The following CLDN5 variants were observed in gnomAD, a reference collection of about 807,000 sequenced individuals.
CLDN5 encodes claudin 5, also known as claudin-5.
Under a neutral mutation model 1.3 loss-of-function variants are expected in CLDN5, and 4 were observed. The ratio of observed to expected loss-of-function variants is 3.07; its 90% CI spans 1.51 to 7.03. The LOEUF (loss-of-function observed/expected upper bound fraction) is 7.03, where lower values mean the gene tolerates loss of function less well. Among genes scored for constraint, CLDN5 ranks in the 30% most tolerant of loss-of-function variants. CLDN5 has a pLI of 0.00. For synonymous variants in CLDN5, 156 were observed against 152.3 expected, an observed-to-expected ratio of 1.02 and a Z score of -0.18; for missense variants, 225 against 303.5, an observed-to-expected ratio of 0.74 and a Z score of 1.92.
In CLDN5 at chr22:19,524,157, G is replaced by A. The variant is rs140361640; in HGVS notation, c.99C>T (p.Thr33=). 9 of 1,610,260 alleles carry A rather than the reference G, an allele frequency of 5.6e-6. No individual in the cohort carries two copies. Among genetic ancestry groups the A allele is most frequent in the Admixed American group, 1.7e-5 (1 of 59,912 alleles). The change falls in exon 1 of 1, where the codon ACC becomes ACT. Residue 33 remains threonine (T), a synonymous_variant. Transcript: ENST00000618236. ...TCACGATGTTGTGGTCCAGGAAGGC[G>A]GTCACCTGCCACATGGGCAGCCCGC... The part of the protein sequence containing the change: ...LACGLPMWQV[T]AFLDHNIVTA...
At chr22:19,524,835 C>T (rs1251097948), upstream of CLDN5, 1 of 1,170,578 alleles carries the variant, frequency 8.5e-7, no homozygotes, top group Non-Finnish European at 1.1e-6. Context: ...TTTGCAGAAG[C>T]CCCCCACCCC....
chr22:19,525,173 G>C, upstream of CLDN5: 1 of 1,000,548 alleles, frequency 1.0e-6, no homozygotes, highest in Non-Finnish European at 1.2e-6. Context: ...CTTCACAGGG[G>C]CTGCTCCTCT....
rs1243582000 is a variant in CLDN5 at position 19,523,909 on chromosome 22, C to T, written c.347G>A (p.Arg116His). 3.7e-6 allele frequency: 6 copies of T among 1,602,812 alleles called. No homozygotes were observed. The highest frequency in any genetic ancestry group is 1.3e-5 in the African/African-American group (1 of 74,960). The change falls in exon 1 of 1, where the codon CGT becomes CAT. Residue 116 changes from arginine (R) to histidine (H), a missense_variant. By Grantham distance (29) the Arg-to-His change is conservative. Coordinates refer to ENST00000618236, the MANE Select transcript of CLDN5 (RefSeq NM_001363066.2). ...TCVAPGPAKA[R>H]VALTGGVLYL... ...GAGCACGCCTCCCGTGAGGGCCACA[C>T]GCGCCTTGGCCGGGCCCGGGGCCAC...
At position 19,524,279 on chromosome 22, in the gene CLDN5, G is replaced by A. The variant is rs1207775061; in HGVS notation, c.-24C>T. The A allele has an allele frequency of 1.3e-6, 2 of 1,551,302 alleles. No homozygotes were observed. Among genetic ancestry groups the A allele is most frequent in the Non-Finnish European group, 1.7e-6 (2 of 1,148,768 alleles). The stretch of plus-strand genomic sequence containing the variant: ...ATGGCTAGAGGCGAGACGCGCACCC[G>A]AAGGCCCGCAGAACCCCCAAGGCCG... On this transcript the variant is annotated 5_prime_UTR_variant, in exon 1 of 1. Coordinates refer to ENST00000618236, the MANE Select transcript of CLDN5 (RefSeq NM_001363066.2).
upstream of CLDN5, chr22:19,524,947 GCT>G: frequency 9.8e-7 from 1 of 1,021,362 alleles, no homozygotes; most frequent in Non-Finnish European, 1.2e-6. Context: ...CTCCAGCCCC[GCT>G]CTGAGTCCCA....
chr22:19,523,405 TGGCAGGAGAAGGTCAGCTGCGGGCGCA>T lies in CLDN5; in HGVS notation c.*167_*193del, dbSNP rs1934148253. On this transcript the variant is annotated 3_prime_UTR_variant, in exon 1 of 1. Coordinates refer to ENST00000618236, the MANE Select transcript of CLDN5 (RefSeq NM_001363066.2). ...TCTGTTAAGGGCAGGGCCGGGCTAGTGGCAGGAGAAGGTCAGCTGCGGGCGCAGGCAGGAGCGGATCCAGGAGCCGCG... is the reference window on the plus strand; with the variant it reads ...TCTGTTAAGGGCAGGGCCGGGCTAGTGGCAGGAGCGGATCCAGGAGCCGCG... 12 of 688,740 alleles carry T rather than the reference TGGCAGGAGAAGGTCAGCTGCGGGCGCA, an allele frequency of 1.7e-5. No individual in the cohort carries two copies. The highest frequency in any genetic ancestry group is 2.3e-6 in the Non-Finnish European group (1 of 436,576). 42.7% of individuals were successfully genotyped at this position (688,740 alleles called of 1,614,324 possible). A position where few individuals can be genotyped will look rare whatever the true frequency, so the allele number is the denominator to read the frequency against.
Position 19,523,760 on chromosome 22 carries a change from T to C in CLDN5, c.496A>G (p.Ile166Val). 6.2e-7 allele frequency: 1 copy of C among 1,605,736 alleles called. No individual in the cohort carries two copies. Among genetic ancestry groups the C allele is most frequent in the Non-Finnish European group, 8.5e-7 (1 of 1,176,954 alleles). The change falls in exon 1 of 1, where the codon ATC becomes GTC. Residue 166 changes from isoleucine (I) to valine (V), a missense_variant. This residue lies in a region of CLDN5 where 165 missense variants were observed against 211.9 expected (regional missense o/e 0.78). Coordinates refer to ENST00000618236, the MANE Select transcript of CLDN5 (RefSeq NM_001363066.2). Reference sequence around the variant, plus strand: ...AGCAGCGCGGTGGCCGCCCAGCCGATGTACAGCGCTGCGCCCAGCTCGTAC... The same window carrying C: ...AGCAGCGCGGTGGCCGCCCAGCCGACGTACAGCGCTGCGCCCAGCTCGTAC... Reference protein sequence around the residue: ...QKYELGAALYIGWAATALLMV... With the variant: ...QKYELGAALYVGWAATALLMV...
Position 19,523,486 on chromosome 22 carries a change from A to G in CLDN5, c.*113T>C. The G allele has an allele frequency of 7.1e-7, 1 of 1,399,002 alleles. No homozygotes were observed. The highest frequency in any genetic ancestry group is 9.4e-7 in the Non-Finnish European group (1 of 1,066,130). 86.7% of individuals were successfully genotyped at this position (1,399,002 alleles called of 1,614,324 possible). Reference sequence around the variant, plus strand: ...GGGCGCAGAGCCGGACGTTCCGAGGAGCCTGCGCGCCGCGCTACCCGGCGG... The same window carrying G: ...GGGCGCAGAGCCGGACGTTCCGAGGGGCCTGCGCGCCGCGCTACCCGGCGG... On this transcript the variant is annotated 3_prime_UTR_variant, in exon 1 of 1. Coordinates refer to ENST00000618236, the MANE Select transcript of CLDN5 (RefSeq NM_001363066.2).
chr22:19,525,077 T>C, upstream of CLDN5: 1 of 1,000,866 alleles, frequency 1.0e-6, no homozygotes, highest in Non-Finnish European at 1.2e-6. Context: ...CCTGAGTCTC[T>C]GGCAAAAAGC....
chr22:19,523,944 G>A lies in CLDN5; in HGVS notation c.312C>T (p.Cys104=). 6.3e-7 allele frequency: 1 copy of A among 1,590,862 alleles called. No homozygotes were observed. Among genetic ancestry groups the A allele is most frequent in the Non-Finnish European group, 8.5e-7 (1 of 1,173,424 alleles). Residue 104 remains cysteine (C), a synonymous_variant, in exon 1 of 1, where the codon TGC becomes TGT. Coordinates refer to ENST00000618236, the MANE Select transcript of CLDN5 (RefSeq NM_001363066.2). Reference sequence around the variant, plus strand: ...CCGGGCCCGGGGCCACGCAGGTGGTGCACTGCGCGCCCGCCAGGGTCACGA... The same window carrying A: ...CCGGGCCCGGGGCCACGCAGGTGGTACACTGCGCGCCCGCCAGGGTCACGA... ...ALFVTLAGAQ[C]TTCVAPGPAK...
Position 19,523,684 on chromosome 22 carries a change from C to T in CLDN5, c.572G>A (p.Arg191His). Residue 191 changes from arginine to histidine, a missense_variant, in exon 1 of 1, where the codon CGT (arginine) becomes CAT (histidine). Physicochemically the swap from Arg to His is conservative, Grantham distance 29. Coordinates refer to ENST00000618236, the MANE Select transcript of CLDN5 (RefSeq NM_001363066.2). ...LCCGAWVCTG[R>H]PDLSFPVKYS... is the part of the protein sequence containing the mutation. ...CTTCACGGGGAAGCTGAGGTCGGGA[C>T]GGCCGGTGCAGACCCAGGCGCCGCA... is the stretch of plus-strand genomic sequence containing the variant. 2 of 1,607,704 alleles carry T rather than the reference C, an allele frequency of 1.2e-6. No homozygotes were observed. The highest frequency in any genetic ancestry group is 1.7e-6 in the Non-Finnish European group (2 of 1,179,360).
upstream of CLDN5, chr22:19,524,779 C>T (rs16979968): frequency 8.1e-7 from 1 of 1,236,966 alleles, no homozygotes; most frequent in Middle Eastern, 3.2e-4. Context: ...CCGACTGAGC[C>T]GGGTGGTCTC....
chr22:19,524,724 G>A, upstream of CLDN5: 1 of 1,292,792 alleles, frequency 7.7e-7, no homozygotes, highest in Non-Finnish European at 9.8e-7. Context: ...CACTTCAGAA[G>A]GCGCTCGACC....
chr22:19,524,615 C>T (rs1021689686), upstream of CLDN5: 91 of 1,353,102 alleles, frequency 6.7e-5, no homozygotes, highest in African/African-American at 1.3e-3. Flanking sequence ...GGCAGCCGCC[C>T]CCAGCCCCAC....
upstream of CLDN5, chr22:19,524,834 G>T (rs934756206): frequency 1.1e-5 from 13 of 1,171,238 alleles, no homozygotes; most frequent in African/African-American, 2.1e-4. Flanking sequence ...GTTTGCAGAA[G>T]CCCCCCACCC....
chr22:19,523,591 C>T lies in CLDN5; in HGVS notation c.*8G>A, dbSNP rs1449137737. On this transcript the variant is annotated 3_prime_UTR_variant, in exon 1 of 1. Coordinates refer to ENST00000618236, the MANE Select transcript of CLDN5 (RefSeq NM_001363066.2). The stretch of plus-strand genomic sequence containing the variant: ...CTGGCAGGAGGGGCCCGGCCGTGCC[C>T]AGCGCCCTCAGACGTAGTTCTTCTT... 6 of 1,566,486 alleles carry T rather than the reference C, an allele frequency of 3.8e-6. No homozygotes were observed. The East Asian group carries it at 6.8e-5, about 18-fold the overall frequency.
upstream of CLDN5, chr22:19,524,772 A>G (rs1228198704): frequency 8.1e-7 from 1 of 1,240,236 alleles, no homozygotes; most frequent in East Asian, 3.3e-5. Context: ...CACATCCCCG[A>G]CTGAGCCGGG....
In CLDN5 at chr22:19,523,925, C is replaced by T. The variant is rs772621818; in HGVS notation, c.331G>A (p.Gly111Ser). Residue 111 changes from glycine (G) to serine (S), a missense_variant, in exon 1 of 1, where the codon GGC (glycine) becomes AGC (serine). Coordinates refer to ENST00000618236, the MANE Select transcript of CLDN5 (RefSeq NM_001363066.2). ...AGGGCCACACGCGCCTTGGCCGGGC[C>T]CGGGGCCACGCAGGTGGTGCACTGC... ...GAQCTTCVAP[G>S]PAKARVALTG... is the part of the protein sequence containing the mutation. 2.4e-5 allele frequency: 39 copies of T among 1,597,780 alleles called. No homozygotes were observed. The highest frequency in any genetic ancestry group is 5.1e-6 in the Non-Finnish European group (6 of 1,175,950).
Position 19,524,288 on chromosome 22 carries a change from C to T in CLDN5, c.-33G>A, listed in dbSNP as rs1443892809. 3 of 1,547,450 alleles carry T rather than the reference C, an allele frequency of 1.9e-6. No individual in the cohort carries two copies. The African/African-American group carries it at 4.1e-5, about 21-fold the overall frequency. ...GGCGAGACGCGCACCCGAAGGCCCG[C>T]AGAACCCCCAAGGCCGTGCTGCGCG... On this transcript the variant is annotated 5_prime_UTR_variant, in exon 1 of 1. Transcript: ENST00000618236.
Sources: allele counts gnomAD v4.1 joint callset, GRCh38; gene constraint gnomAD v4.1.1; regional missense constraint gnomAD v4.1.1; transcripts MANE v1.5; gene names NCBI Gene and HGNC (gene_info 2026-07-23, HGNC 2026-07-21).